The following TAF3 variants were observed in gnomAD, a reference collection of about 807,000 sequenced individuals.
TAF3 encodes transcription initiation factor TFIID subunit 3.
TAF3 carries 7 observed loss-of-function variants against 80.6 expected under a neutral mutation model. The observed-to-expected ratio is 0.09, with a 90% CI of 0.05 to 0.16. The LOEUF is 0.16. TAF3 is among the 10% of genes least tolerant of loss of function. The probability of loss-of-function intolerance (pLI) is 1.00; values close to 1 mark genes in which losing one functional copy is unlikely to be tolerated. For synonymous variants in TAF3, 444 were observed against 446.1 expected (o/e 1.00, Z 0.06); for missense variants, 921 against 1,140.2 (o/e 0.81, Z 2.77).
intron 2 of TAF3, chr10:7,833,874 A>G: frequency 1.2e-6 from 1 of 835,348 alleles, no homozygotes; most frequent in Non-Finnish European, 1.6e-6. Context: ...GAAGAGGATG[A>G]GTTTGGAGCG....
At chr10:7,836,312 C>T (rs1333702768) in intron 2 of TAF3, among the ~76,000 whole-genome samples, 5 of 146,376 alleles carry the variant, frequency 3.4e-5, no homozygotes, top group East Asian at 2.0e-4. Flanking sequence ...TTTTTTGAGA[C>T]GGAGTTTCGC....
At chr10:7,859,217 T>C (rs1390523822) in intron 2 of TAF3, among the ~76,000 whole-genome samples, 3 of 151,686 alleles carry the variant, frequency 2.0e-5, no homozygotes, top group African/African-American at 7.3e-5. Flanking sequence ...GCTGAGATCA[T>C]GCCATTGCAC....
At chr10:7,864,208 C>T (rs1261210110) in intron 2 of TAF3, among the ~76,000 whole-genome samples, 5 of 152,148 alleles carry the variant, frequency 3.3e-5, no homozygotes, top group Non-Finnish European at 7.3e-5. Context: ...GTTTCACTGC[C>T]TTAGAATTTT....
chr10:7,988,572 CAAAAAAAAAAAAAAAAAA>C (rs58825999), intron 4 of TAF3, among the ~76,000 whole-genome samples: 1 of 49,270 alleles, frequency 2.0e-5, no homozygotes, highest in Non-Finnish European at 3.9e-5. Flanking sequence ...GACCCTGTCT[CAAAAAAAAAAAAAAAAAA>C]AAAAAAAAAA....
intron 2 of TAF3, among the ~76,000 whole-genome samples, chr10:7,949,024 T>A (rs1838054737): frequency 6.6e-6 from 1 of 152,260 alleles, no homozygotes. Context: ...GCCCGGCTGC[T>A]GCCGCCGCTG....
chr10:7,958,435 C>T (rs923127119), intron 2 of TAF3, among the ~76,000 whole-genome samples: 1 of 151,950 alleles, frequency 6.6e-6, no homozygotes. Flanking sequence ...AATAAGTGAA[C>T]TACAGCTGCC....
intron 2 of TAF3, among the ~76,000 whole-genome samples, chr10:7,912,821 A>C (rs1837669580): frequency 1.3e-5 from 2 of 151,582 alleles, no homozygotes; most frequent in Admixed American, 1.3e-4. Context: ...TTGGCGAGGC[A>C]CTGGTGCTTT....
intron 2 of TAF3, among the ~76,000 whole-genome samples, chr10:7,956,920 A>G (rs1203660725): frequency 6.6e-6 from 1 of 152,090 alleles, no homozygotes; most frequent in African/African-American, 2.4e-5. Context: ...TTTAGGTGTG[A>G]TTCTTCATGT....
intron 2 of TAF3, among the ~76,000 whole-genome samples, chr10:7,842,167 T>TGTTTTTTTG (rs1836923962): frequency 1.1e-5 from 1 of 94,490 alleles, no homozygotes; most frequent in African/African-American, 3.9e-5. Flanking sequence ...TTTTTTTGTT[T>TGTTTTTTTG]TTTTTTTTGT....
At chr10:7,835,365 C>T (rs765103013) in intron 2 of TAF3, among the ~76,000 whole-genome samples, 23 of 152,222 alleles carry the variant, frequency 1.5e-4, no homozygotes, top group Non-Finnish European at 2.6e-4. Context: ...CAGGGTAGCT[C>T]CTCTGACTTT....
intron 2 of TAF3, among the ~76,000 whole-genome samples, chr10:7,913,791 A>G (rs1214283526): frequency 2.0e-5 from 3 of 152,176 alleles, no homozygotes; most frequent in Non-Finnish European, 4.4e-5. Flanking sequence ...GTCACCTATA[A>G]ACTGTTCTTG....
At chr10:7,999,207 T>C (rs1441582528) in intron 4 of TAF3, among the ~76,000 whole-genome samples, 1 of 152,152 alleles carries the variant, frequency 6.6e-6, no homozygotes, top group Non-Finnish European at 1.5e-5. Context: ...TAGTAGGTAT[T>C]CTATTTAAAG....
intron 4 of TAF3, among the ~76,000 whole-genome samples, chr10:8,003,133 T>C (rs1831959495): frequency 1.3e-5 from 2 of 152,230 alleles, no homozygotes; most frequent in African/African-American, 2.4e-5. Context: ...TTATGTGATA[T>C]AATCATTGAT....
intron 2 of TAF3, among the ~76,000 whole-genome samples, chr10:7,930,126 G>A (rs1296952717): frequency 2.0e-5 from 3 of 152,134 alleles, no homozygotes; most frequent in Non-Finnish European, 2.9e-5. Flanking sequence ...TGAGCCCAGG[G>A]AAGTCAAGAC....
intron 4 of TAF3, among the ~76,000 whole-genome samples, chr10:7,999,659 G>A (rs531425409): frequency 1.3e-5 from 2 of 152,294 alleles, no homozygotes; most frequent in Admixed American, 1.3e-4. Flanking sequence ...GTTTCACCAT[G>A]TTGGCCAGGC....
At chr10:7,999,960 G>A (rs940940340) in intron 4 of TAF3, among the ~76,000 whole-genome samples, 1 of 152,198 alleles carries the variant, frequency 6.6e-6, no homozygotes, top group African/African-American at 2.4e-5. Context: ...TTGCCTGGAA[G>A]GCTTTTTAAC....
intron 4 of TAF3, among the ~76,000 whole-genome samples, chr10:7,983,399 A>C (rs12780500): frequency 0.25 from 38,339 of 152,132 alleles, 4,974 homozygotes; most frequent in South Asian, 0.32. Flanking sequence ...CATTTTTATA[A>C]AAGTGTCCTG....
At chr10:7,918,063 AT>A (rs2131185967) in intron 2 of TAF3, among the ~76,000 whole-genome samples, 1 of 152,250 alleles carries the variant, frequency 6.6e-6, no homozygotes, top group East Asian at 1.9e-4. Flanking sequence ...ATTATGGCAT[AT>A]TTGTATGCTC....
rs1218836662 is a variant in TAF3, at chr10:7,863,626, A to AAAATAT, written c.409+39067_409+39068insAATATA. Among the ~76,000 whole-genome samples the AAAATAT allele has an allele frequency of 3.3e-4, 16 of 48,098 alleles. 2 individuals carry two copies. The highest frequency in any genetic ancestry group is 1.0e-3 in the East Asian group (1 of 972). 31.6% of individuals were successfully genotyped at this position (48,098 alleles called of 152,430 possible). On this transcript the variant is annotated intron_variant, in intron 2 of 6. Coordinates refer to ENST00000344293, the MANE Select transcript of TAF3 (RefSeq NM_031923.4). Reference sequence around the variant, plus strand: ...CTCTGTCTAAAAAAAAAAAAAAAAAAATATATATATATATATATATACACA... The same window carrying AAAATAT: ...CTCTGTCTAAAAAAAAAAAAAAAAAAAAATATATATATATATATATATATATACACA...
Sources: allele counts gnomAD v4.1 joint callset (sites outside exome capture counted in the v4.1 genomes callset), GRCh38; gene constraint gnomAD v4.1.1; transcripts MANE v1.5; gene names NCBI Gene and HGNC (gene_info 2026-07-23, HGNC 2026-07-21).